PHTF2: variants seen among roughly 807,000 people sequenced by gnomAD.
PHTF2 encodes protein PHTF2.
PHTF2 carries 60 observed loss-of-function variants against 101.2 expected under a neutral mutation model. That is an observed-to-expected ratio of 0.59 (90% CI 0.48 to 0.73). PHTF2 has a LOEUF of 0.73. Among genes scored for constraint, PHTF2 ranks in the 30% least tolerant of loss-of-function variants. PHTF2 has a pLI of 0.00. For missense variants in PHTF2, 747 were observed against 908.7 expected (o/e 0.82, Z 2.29); for synonymous variants, 311 against 307.3 (o/e 1.01, Z -0.13).
intron 3 of PHTF2, among the ~76,000 whole-genome samples, chr7:77,856,372 T>C (rs1797183956): frequency 6.6e-6 from 1 of 152,042 alleles, no homozygotes; most frequent in Admixed American, 6.5e-5. Flanking sequence ...TATTTATTTT[T>C]AGAGACAGTG....
chr7:77,838,217 G>A (rs1000508676), intron 1 of PHTF2, among the ~76,000 whole-genome samples: 1 of 152,146 alleles, frequency 6.6e-6, no homozygotes, highest in Non-Finnish European at 1.5e-5. Context: ...CATACTCAAA[G>A]GCTTCCAGGA....
intron 3 of PHTF2, chr7:77,854,853 G>A (rs753736366): frequency 1.3e-5 from 10 of 752,890 alleles, no homozygotes; most frequent in Non-Finnish European, 4.9e-6. Context: ...TGCCAGGCCT[G>A]TTCTCTCTGT....
intron 3 of PHTF2, among the ~76,000 whole-genome samples, chr7:77,866,342 G>A (rs1236115898): frequency 6.6e-6 from 1 of 152,148 alleles, no homozygotes. Context: ...AGGCAAACAA[G>A]TTATATGATT....
chr7:77,803,688 CGTGTGTGTGT>C (rs34239792), intron 1 of PHTF2, among the ~76,000 whole-genome samples: 14 of 140,862 alleles, frequency 9.9e-5, no homozygotes, highest in African/African-American at 2.8e-4. Flanking sequence ...GTTGAACAGG[CGTGTGTGTGT>C]GTGTGTGTGT....
At chr7:77,863,273 G>A (rs1368997308) in intron 3 of PHTF2, among the ~76,000 whole-genome samples, 1 of 152,130 alleles carries the variant, frequency 6.6e-6, no homozygotes, top group Non-Finnish European at 1.5e-5. Flanking sequence ...TAATGAAGTA[G>A]GATGGTATAT....
rs574754314 is a variant in PHTF2, at chr7:77,844,100, C to T, written c.45+3800C>T. 1.1e-4 allele frequency among the ~76,000 whole-genome samples: 16 copies of T among 152,300 alleles called. 1 individual carries two copies. The highest frequency in any genetic ancestry group is 2.9e-4 in the African/African-American group (12 of 41,578). ...GCAGCCTCGACCTCCTGGGCTCAAA[C>T]GATCCTCCTGCCTCAGCCCCCCAAG... On this transcript the variant is annotated intron_variant, in intron 2 of 19. Coordinates refer to ENST00000416283, the Ensembl canonical transcript of PHTF2.
At chr7:77,827,587 C>A (rs929730681) in intron 1 of PHTF2, among the ~76,000 whole-genome samples, 3 of 152,060 alleles carry the variant, frequency 2.0e-5, no homozygotes, top group African/African-American at 7.2e-5. Flanking sequence ...CTCCTGACTT[C>A]ATGATCTACC....
chr7:77,899,409 C>T (rs1418116267), intron 5 of PHTF2, among the ~76,000 whole-genome samples: 1 of 151,316 alleles, frequency 6.6e-6, no homozygotes, highest in Non-Finnish European at 1.5e-5. Context: ...GCACCGTGAA[C>T]GTTGATTTGG....
At chr7:77,814,797 G>A (rs12537922) in intron 1 of PHTF2, among the ~76,000 whole-genome samples, 3,359 of 152,200 alleles carry the variant, frequency 0.022, 51 homozygotes, top group Middle Eastern at 0.068. Context: ...CATCTAGGCC[G>A]GGTGCGGTGG....
At chr7:77,877,772 T>G (rs1424201435) in intron 3 of PHTF2, among the ~76,000 whole-genome samples, 1 of 152,210 alleles carries the variant, frequency 6.6e-6, no homozygotes, top group Non-Finnish European at 1.5e-5. Context: ...CAAGGCTGTG[T>G]AGGGCCCCTT....
At chr7:77,914,258 A>G (rs1802693166) in intron 9 of PHTF2, among the ~76,000 whole-genome samples, 1 of 152,148 alleles carries the variant, frequency 6.6e-6, no homozygotes, top group Non-Finnish European at 1.5e-5. Flanking sequence ...GGGTACAATG[A>G]TCTCTGCCAA....
At chr7:77,953,771 G>A (rs746356812) in exon 19 of PHTF2, 1 of 1,612,340 alleles carries the variant, frequency 6.2e-7, no homozygotes, top group Non-Finnish European at 8.5e-7. Flanking sequence ...TCTGCTAGGA[G>A]TTGGACAGTC....
At chr7:77,939,836 A>C (rs1040126834) in intron 13 of PHTF2, among the ~76,000 whole-genome samples, 194 bp from the exon 13 acceptor site, 5 of 152,236 alleles carry the variant, frequency 3.3e-5, no homozygotes, top group Non-Finnish European at 5.9e-5. Context: ...GCGATCTGAT[A>C]ATTGTTTTTA....
chr7:77,921,205 T>C (rs1006661806), intron 10 of PHTF2, among the ~76,000 whole-genome samples: 1 of 152,250 alleles, frequency 6.6e-6, no homozygotes, highest in African/African-American at 2.4e-5. Flanking sequence ...TGTTTTGTTT[T>C]CTTTTGTTTT....
intron 9 of PHTF2, among the ~76,000 whole-genome samples, chr7:77,916,575 A>G (rs1211927138): frequency 1.3e-5 from 2 of 152,000 alleles, no homozygotes; most frequent in Admixed American, 1.3e-4. Context: ...AAACAAAACA[A>G]AACCACAGTT....
chr7:77,837,598 GAA>G (rs1423875193), intron 1 of PHTF2, among the ~76,000 whole-genome samples: 1 of 152,112 alleles, frequency 6.6e-6, no homozygotes, highest in Admixed American at 6.5e-5. Flanking sequence ...ATTTTAAACA[GAA>G]AATTCGTTGA....
intron 16 of PHTF2, among the ~76,000 whole-genome samples, chr7:77,943,826 C>T (rs1805829072): frequency 6.6e-6 from 1 of 151,672 alleles, no homozygotes; most frequent in African/African-American, 2.4e-5. Flanking sequence ...GAGACCAGCC[C>T]GACCAACATG....
chr7:77,860,839 A>G (rs905758396), intron 3 of PHTF2, among the ~76,000 whole-genome samples: 1 of 151,856 alleles, frequency 6.6e-6, no homozygotes, highest in Non-Finnish European at 1.5e-5. Flanking sequence ...AGCCTCCCAT[A>G]TAGGGACGTG....
At chr7:77,840,453 A>G (rs545345977) in intron 2 of PHTF2, among the ~76,000 whole-genome samples, 153 bp downstream of exon 2, 1 of 152,234 alleles carries the variant, frequency 6.6e-6, no homozygotes, top group Non-Finnish European at 1.5e-5. Flanking sequence ...AATTGGAAAG[A>G]TGATGCTTAA....
Sources: gnomAD v4.1 joint callset for allele counts (sites outside exome capture counted in the v4.1 genomes callset) on GRCh38, gnomAD v4.1.1 for gene constraint, MANE v1.5 for transcripts, NCBI Gene and HGNC (gene_info 2026-07-23, HGNC 2026-07-21) for gene names.